PTPN23: variants seen among roughly 807,000 people sequenced by gnomAD.
PTPN23 encodes protein tyrosine phosphatase non-receptor type 23, also known as tyrosine-protein phosphatase non-receptor type 23.
A neutral mutation model predicts 156.3 loss-of-function variants in PTPN23; 72 were observed. That is an observed-to-expected ratio of 0.46 (90% confidence interval 0.38 to 0.56). The LOEUF is 0.56. Ranked by LOEUF, PTPN23 falls within the 20% of genes least tolerant of loss-of-function variation. The probability of loss-of-function intolerance (pLI) is 0.00; values close to 1 mark genes in which losing one functional copy is unlikely to be tolerated. For synonymous variants in PTPN23, 957 were observed against 899.6 expected (o/e 1.06, Z -1.14); for missense variants, 1,974 against 2,171.5 (o/e 0.91, Z 1.81).
chr3:47,386,366 G>C (rs976514430), intron 1 of PTPN23, among the ~76,000 whole-genome samples: 3 of 152,008 alleles, frequency 2.0e-5, no homozygotes, highest in Non-Finnish European at 4.4e-5. Flanking sequence ...GGGTTTCGCC[G>C]TGTTGGCTAG....
chr3:47,406,860 C>A lies in PTPN23; in HGVS notation c.807+110C>A. 1 of 1,396,008 alleles carries A rather than the reference C, an allele frequency of 7.2e-7. No individual in the cohort carries two copies. 86.5% of individuals were successfully genotyped at this position (1,396,008 alleles called of 1,614,324 possible). A position where few individuals can be genotyped will look rare whatever the true frequency, so the allele number is the denominator to read the frequency against. On this transcript the variant is annotated intron_variant, in intron 9 of 24. Transcript: ENST00000265562. This position sits in a 1 kb window ranked among gnomAD's most constrained non-coding sequence, Gnocchi z 5.8. ...GGTGGCCTTCTCTGTCTCACCCTGG[C>A]CATCACCCTGCTGGAGGCCTGGTGT...
At chr3:47,404,577 A>G in intron 2 of PTPN23, 75 bp from the exon 3 acceptor site, 1 of 1,581,380 alleles carries the variant, frequency 6.3e-7, no homozygotes, top group South Asian at 1.1e-5. Context: ...TTTTCCTGGC[A>G]TTTGTGAGTT....
intron 2 of PTPN23, among the ~76,000 whole-genome samples, chr3:47,404,324 T>C (rs1356996044): frequency 2.0e-5 from 3 of 151,140 alleles, no homozygotes; most frequent in Non-Finnish European, 4.4e-5. Context: ...CTCAGCTAAT[T>C]GGGAGGCTGA....
intron 1 of PTPN23, 74 bp downstream of exon 1, chr3:47,381,254 C>G: frequency 6.5e-6 from 10 of 1,534,414 alleles, no homozygotes; most frequent in Non-Finnish European, 8.8e-6. Flanking sequence ...CGCCCCCCTG[C>G]GCGCCCATCA....
At chr3:47,397,175 A>G (rs1423774936) in intron 2 of PTPN23, among the ~76,000 whole-genome samples, 2 of 152,174 alleles carry the variant, frequency 1.3e-5, no homozygotes, top group African/African-American at 4.8e-5. Context: ...TTATAATAGT[A>G]ACATCAAAGA....
Position 47,413,266 on chromosome 3 carries a change from T to C in PTPN23, c.*81T>C. ...GCCCACACCCAGCAGAGCTTCTCAG[T>C]GGGCACAGTCTCTTACTCCCATTTC... On this transcript the variant is annotated 3_prime_UTR_variant, in exon 25 of 25. Coordinates refer to ENST00000265562, the MANE Select transcript of PTPN23 (RefSeq NM_015466.4). 1 of 1,517,920 alleles carries C rather than the reference T, an allele frequency of 6.6e-7. No homozygotes were observed. The highest frequency in any genetic ancestry group is 1.3e-5 in the South Asian group (1 of 79,266). The allele number at this position is 1,517,920 out of a possible 1,614,324, so 94.0% of individuals were successfully genotyped here.
chr3:47,403,032 T>C (rs986118801), intron 2 of PTPN23, among the ~76,000 whole-genome samples: 2 of 151,842 alleles, frequency 1.3e-5, no homozygotes, highest in African/African-American at 4.8e-5. Flanking sequence ...TATCAGTATT[T>C]GTATGATCCC....
chr3:47,407,261 C>T lies in PTPN23; in HGVS notation c.865-48C>T, dbSNP rs1346400898. 1 of 1,613,412 alleles carries T rather than the reference C, an allele frequency of 6.2e-7. No individual in the cohort carries two copies. The highest frequency in any genetic ancestry group is 2.2e-5 in the East Asian group (1 of 44,884). On this transcript the variant is annotated intron_variant, in intron 10 of 24. Transcript: ENST00000265562. The surrounding 1 kb of genome is among the most constrained non-coding windows in gnomAD (Gnocchi z 4.0). Reference sequence around the variant, plus strand: ...GTAGGACTGAGGGGGTGTCCTGGTGCCAGCCTTGGTTAGTGCTAAGGCCCC... The same window carrying T: ...GTAGGACTGAGGGGGTGTCCTGGTGTCAGCCTTGGTTAGTGCTAAGGCCCC...
rs1576223336 is a variant in PTPN23, at chr3:47,404,733, C to T, written c.241C>T (p.Arg81Trp). The change falls in exon 3 of 25, where the codon CGG becomes TGG. Residue 81 changes from arginine (R) to tryptophan (W), a missense_variant. By Grantham distance (101) the Arg-to-Trp change is moderately radical. Coordinates refer to ENST00000265562, the MANE Select transcript of PTPN23 (RefSeq NM_015466.4). ...YLGQLHYLQS[R>W]VPMGSGQEAA... ...CGGCCAGCTTCATTACCTGCAGAGTCGGGTCCCCATGGGCTCGGGCCAGGA... is the reference window on the plus strand; with the variant it reads ...CGGCCAGCTTCATTACCTGCAGAGTTGGGTCCCCATGGGCTCGGGCCAGGA... The T allele has an allele frequency of 2.5e-6, 4 of 1,613,888 alleles. No homozygotes were observed. Among genetic ancestry groups the T allele is most frequent in the Non-Finnish European group, 3.4e-6 (4 of 1,180,034 alleles).
At position 47,404,658 on chromosome 3, in the gene PTPN23, G is replaced by C. The variant is rs150804434; in HGVS notation, c.166G>C (p.Val56Leu). The stretch of plus-strand genomic sequence containing the variant: ...CTCCCATCCTGCCCCCCAGAATGCT[G>C]TCCGTGTCCCACGAGACTTTGAGGG... The part of the protein sequence containing the change: ...KKLELLRQNA[V>L]RVPRDFEGCS... Residue 56 changes from valine (V) to leucine (L), a missense_variant, in exon 3 of 25, where the codon GTC becomes CTC. Val to Leu is a conservative substitution (Grantham distance 32). Coordinates refer to ENST00000265562, the MANE Select transcript of PTPN23 (RefSeq NM_015466.4). The C allele has an allele frequency of 9.0e-5, 145 of 1,613,664 alleles. 1 individual carries two copies. The South Asian group carries it at 1.5e-3, about 17-fold the overall frequency.
In PTPN23 at chr3:47,413,215, ACATCAT is replaced by A. The variant is rs200235092; in HGVS notation, c.*38_*43del. On this transcript the variant is annotated 3_prime_UTR_variant, in exon 25 of 25. Transcript: ENST00000265562. ...GTTTTGCCTACCTGGTCCTTACACT[ACATCAT>A]CATCATCTCATGCCCACCTGCCCAC... 3.2e-6 allele frequency: 5 copies of A among 1,579,574 alleles called. No homozygotes were observed. The highest frequency in any genetic ancestry group is 2.7e-5 in the African/African-American group (2 of 74,216).
rs150222668 is a variant in PTPN23 at position 47,406,025 on chromosome 3, G to A, written c.525G>A (p.Thr175=). The change falls in exon 6 of 25, where the codon ACG becomes ACA. Residue 175 remains threonine (T), a synonymous_variant. Transcript: ENST00000265562. The surrounding 1 kb of genome is among the most constrained non-coding windows in gnomAD (Gnocchi z 5.8). ...YSVDMSRQIL[T]LNVNLMLGQA... ...TCGACATGAGCCGCCAGATCCTTAC[G>A]CTCAACGTCAACCTCATGCTGGTGA... is the stretch of plus-strand genomic sequence containing the variant. 36 of 1,612,978 alleles carry A rather than the reference G, an allele frequency of 2.2e-5. No homozygotes were observed. Among genetic ancestry groups the A allele is most frequent in the Admixed American group, 3.3e-5 (2 of 59,896 alleles).
intron 21 of PTPN23, 36 bp from the exon 22 acceptor site, chr3:47,412,058 C>G (rs372137929): frequency 2.5e-6 from 4 of 1,611,390 alleles, no homozygotes; most frequent in Non-Finnish European, 3.4e-6. Context: ...TCAGGCCTGG[C>G]TCATAGGCTC....
chr3:47,408,282 C>T (rs1010394219), intron 14 of PTPN23, 63 bp from the exon 15 acceptor site: 8 of 1,580,026 alleles, frequency 5.1e-6, no homozygotes, highest in Non-Finnish European at 6.0e-6. Context: ...CCTAGCGGCT[C>T]CTTTGACATG....
chr3:47,387,540 A>C (rs1576210054), intron 1 of PTPN23, among the ~76,000 whole-genome samples: 2 of 148,732 alleles, frequency 1.3e-5, no homozygotes, highest in South Asian at 2.1e-4. Context: ...AGATCTCGCC[A>C]CTCCAGCCTG....
intron 23 of PTPN23, 27 bp downstream of exon 23, chr3:47,412,448 G>A (rs1401397899): frequency 1.2e-6 from 2 of 1,611,976 alleles, no homozygotes; most frequent in South Asian, 2.2e-5. Context: ...ATGGGGCTGG[G>A]ATGGGCCTTC....
Position 47,410,902 on chromosome 3 carries a change from C to T in PTPN23, c.3104C>T (p.Pro1035Leu). 1 of 1,611,718 alleles carries T rather than the reference C, an allele frequency of 6.2e-7. No individual in the cohort carries two copies. Among genetic ancestry groups the T allele is most frequent in the Non-Finnish European group, 8.5e-7 (1 of 1,179,024 alleles). Residue 1035 changes from proline to leucine, a missense_variant, in exon 20 of 25, where the codon CCT (proline) becomes CTT (leucine). By Grantham distance (98) the Pro-to-Leu change is moderately conservative (BLOSUM62 -3). Coordinates refer to ENST00000265562, the MANE Select transcript of PTPN23 (RefSeq NM_015466.4). ...CTGCCAGCCCACTCAGGGGCTCTGCCTTTCCCCAGCCCTGGGCCCCCTCAG... is the reference window on the plus strand; with the variant it reads ...CTGCCAGCCCACTCAGGGGCTCTGCTTTTCCCCAGCCCTGGGCCCCCTCAG... The part of the protein sequence containing the change: ...DPLPAHSGAL[P>L]FPSPGPPQPP...
intron 1 of PTPN23, among the ~76,000 whole-genome samples, chr3:47,390,672 A>G (rs1282522108): frequency 6.6e-6 from 1 of 152,110 alleles, no homozygotes; most frequent in Non-Finnish European, 1.5e-5. Context: ...TTTTTAGTGG[A>G]GGAGTGATCA....
In PTPN23 at chr3:47,412,343, G is replaced by C; in HGVS notation, c.4239G>C (p.Glu1413Asp). 1.9e-6 allele frequency: 3 copies of C among 1,613,370 alleles called. No homozygotes were observed. Among genetic ancestry groups the C allele is most frequent in the Non-Finnish European group, 2.5e-6 (3 of 1,180,034 alleles). ...TCTATGCAGCTGTGCAGGAGGTGGAGGCTGGGAACGGAATCCCTGAGCTGC... is the reference window on the plus strand; with the variant it reads ...TCTATGCAGCTGTGCAGGAGGTGGACGCTGGGAACGGAATCCCTGAGCTGC... ...ALLYAAVQEV[E>D]AGNGIPELPQ... Residue 1413 changes from glutamate to aspartate, a missense_variant, in exon 23 of 25, where the codon GAG becomes GAC. Coordinates refer to ENST00000265562, the MANE Select transcript of PTPN23 (RefSeq NM_015466.4).
Sources: gnomAD v4.1 joint callset for allele counts (sites outside exome capture counted in the v4.1 genomes callset) on GRCh38, gnomAD v4.1.1 for gene constraint, Gnocchi (gnomAD v3.1) non-coding constraint, MANE v1.5 for transcripts, NCBI Gene and HGNC (gene_info 2026-07-23, HGNC 2026-07-21) for gene names.